Variants in SUMF1 observed in about 807,000 individuals in gnomAD.
The protein encoded by SUMF1 is formylglycine-generating enzyme.
In SUMF1, 48 loss-of-function variants were observed where a neutral mutation model predicts 47.6. The observed-to-expected ratio is 1.01, with a 90% CI of 0.80 to 1.28. SUMF1 has a LOEUF of 1.28. Among genes scored for constraint, SUMF1 ranks in the 50% most tolerant of loss-of-function variants. SUMF1 has a pLI of 0.00. For missense variants in SUMF1, 571 were observed against 485.4 expected (o/e 1.18, Z -1.66); for synonymous variants, 230 against 192.1 (o/e 1.20, Z -1.63).
chr3:4,341,096 T>C (rs1392021481), intron 8 of SUMF1, among the ~76,000 whole-genome samples: 3 of 152,168 alleles, frequency 2.0e-5, no homozygotes, highest in Non-Finnish European at 2.9e-5. Flanking sequence ...AAGAGAACAT[T>C]TTCTCCTGAA....
chr3:4,123,180 G>A lies in SUMF1; in HGVS notation c.1015-54435C>T, dbSNP rs142359877. Among the ~76,000 whole-genome samples, 803 of 152,216 alleles carry A rather than the reference G, an allele frequency of 5.3e-3. 6 individuals carry two copies. The highest frequency in any genetic ancestry group is 7.3e-3 in the Non-Finnish European group (499 of 68,030). On this transcript the variant is annotated intron_variant and NMD_transcript_variant, in intron 8 of 12. Coordinates refer to the SUMF1 transcript ENST00000448413. Reference sequence around the variant, plus strand: ...TTGTATAGACGTGATTAGAGGGGATGAGAGATGCAATGGTCAAGGAAGCAT... The same window carrying A: ...TTGTATAGACGTGATTAGAGGGGATAAGAGATGCAATGGTCAAGGAAGCAT...
intron 8 of SUMF1, among the ~76,000 whole-genome samples, chr3:4,336,669 T>C (rs569720807): frequency 1.0e-4 from 16 of 152,386 alleles, no homozygotes; most frequent in South Asian, 8.3e-4. Flanking sequence ...GATAATTTAT[T>C]AATCAGGTCA....
chr3:4,438,319 T>C (rs1200204870), intron 3 of SUMF1, among the ~76,000 whole-genome samples: 2 of 152,180 alleles, frequency 1.3e-5, no homozygotes, highest in Non-Finnish European at 2.9e-5. Context: ...GACTAAACTC[T>C]AATGAGGCTC....
chr3:4,397,292 C>G (rs573720224), intron 7 of SUMF1, among the ~76,000 whole-genome samples: 1 of 152,226 alleles, frequency 6.6e-6, no homozygotes, highest in African/African-American at 2.4e-5. Flanking sequence ...ACCACCAACA[C>G]AGGGTACAGA....
intron 8 of SUMF1, among the ~76,000 whole-genome samples, chr3:4,309,337 T>C (rs185386057): frequency 5.9e-5 from 9 of 152,274 alleles, no homozygotes; most frequent in Admixed American, 3.3e-4. Flanking sequence ...CAGGTTAGCT[T>C]TGGAATGCCC....
chr3:4,275,452 G>A (rs570368085), intron 8 of SUMF1, among the ~76,000 whole-genome samples: 3 of 152,160 alleles, frequency 2.0e-5, no homozygotes, highest in African/African-American at 7.2e-5. Context: ...GAAGAGGGAT[G>A]GTCTCTTCTG....
intron 1 of SUMF1, among the ~76,000 whole-genome samples, chr3:4,455,863 C>T (rs1703143276): frequency 6.6e-6 from 1 of 152,114 alleles, no homozygotes; most frequent in African/African-American, 2.4e-5. Flanking sequence ...CACTTCCAAA[C>T]TCATTTTATG....
At chr3:4,366,621 AT>A (rs1249975906) in intron 8 of SUMF1, among the ~76,000 whole-genome samples, 2 of 150,914 alleles carry the variant, frequency 1.3e-5, no homozygotes, top group South Asian at 2.1e-4. Flanking sequence ...ATTCGTCTAA[AT>A]TTTTTTCAAA....
At chr3:4,361,047 T>C (rs1466445517), downstream of SUMF1, 1 of 152,162 alleles carries the variant, frequency 6.6e-6, no homozygotes, top group Non-Finnish European at 1.5e-5. Context: ...CTAACAAACA[T>C]GAACGTTTTC....
At chr3:4,312,854 A>G in intron 8 of SUMF1, 1 of 1,547,046 alleles carries the variant, frequency 6.5e-7, no homozygotes. Context: ...TATAGGAAAT[A>G]TATGACATGC....
At chr3:4,316,119 C>T (rs1698632642) in intron 8 of SUMF1, 31 of 486,358 alleles carry the variant, frequency 6.4e-5, no homozygotes, top group South Asian at 1.5e-4. Context: ...GGAATACATT[C>T]TTAAATGTGG....
chr3:4,127,852 G>A (rs1267348808), intron 8 of SUMF1, among the ~76,000 whole-genome samples: 1 of 152,048 alleles, frequency 6.6e-6, no homozygotes, highest in Non-Finnish European at 1.5e-5. Context: ...CCAAAAATGG[G>A]AAGGACTTTA....
chr3:4,403,144 C>T lies in SUMF1; in HGVS notation c.954+7721G>A, dbSNP rs538714503. 2.6e-5 allele frequency among the ~76,000 whole-genome samples: 4 copies of T among 152,272 alleles called. No individual in the cohort carries two copies. The South Asian group carries it at 8.3e-4, about 32-fold the overall frequency. On this transcript the variant is annotated intron_variant, in intron 7 of 8. Coordinates refer to ENST00000272902, the MANE Select transcript of SUMF1 (RefSeq NM_182760.4). ...TACACTCTCTCACTTCCTTACAACT[C>T]TATGAAGTAGAAATCTTCATCCCCA...
At chr3:4,356,799 C>G (rs1699628732), downstream of SUMF1, among the ~76,000 whole-genome samples, 1 of 152,222 alleles carries the variant, frequency 6.6e-6, no homozygotes. Context: ...GATAACTGAG[C>G]AACTCCAGGC....
At chr3:4,072,004 C>T (rs563998639) in intron 8 of SUMF1, among the ~76,000 whole-genome samples, 1 of 152,282 alleles carries the variant, frequency 6.6e-6, no homozygotes, top group South Asian at 2.1e-4. Flanking sequence ...CTGAGAGATA[C>T]CTCCCAGTAG....
At chr3:4,357,971 G>C (rs1309334882), downstream of SUMF1, among the ~76,000 whole-genome samples, 2 of 151,828 alleles carry the variant, frequency 1.3e-5, no homozygotes, top group Non-Finnish European at 2.9e-5. Flanking sequence ...GGGTCATATC[G>C]ACAATTGAGA....
At chr3:4,119,598 G>A (rs1693494404) in intron 8 of SUMF1, among the ~76,000 whole-genome samples, 1 of 152,036 alleles carries the variant, frequency 6.6e-6, no homozygotes, top group Non-Finnish European at 1.5e-5. Context: ...ATGAAGCCAT[G>A]CAGGGAAAAT....
In SUMF1 at chr3:4,420,397, A is replaced by ATT. The variant is rs35849841; in HGVS notation, c.520-253_520-252dup. Among the ~76,000 whole-genome samples the ATT allele has an allele frequency of 0.3, 41,695 of 140,768 alleles. 7,298 individuals carry two copies. The highest frequency in any genetic ancestry group is 0.76 in the East Asian group (3,699 of 4,836). 92.3% of individuals were successfully genotyped at this position (140,768 alleles called of 152,430 possible). The stretch of plus-strand genomic sequence containing the variant: ...ATTTAAATGGTGTATATCTATAAGA[A>ATT]TTTTTTTTTTTTTTTTGAGATGGAG... On this transcript the variant is annotated intron_variant, in intron 3 of 8. Coordinates refer to ENST00000272902, the MANE Select transcript of SUMF1 (RefSeq NM_182760.4).
intron 8 of SUMF1, among the ~76,000 whole-genome samples, chr3:4,171,504 C>A (rs1195012500): frequency 6.6e-6 from 1 of 152,130 alleles, no homozygotes; most frequent in Non-Finnish European, 1.5e-5. Flanking sequence ...TTAGACCAGA[C>A]AATTATGTCA....
Sources: allele counts gnomAD v4.1 joint callset (sites outside exome capture counted in the v4.1 genomes callset), GRCh38; gene constraint gnomAD v4.1.1; transcripts MANE v1.5; gene names NCBI Gene and HGNC (gene_info 2026-07-23, HGNC 2026-07-21).